NCOA1: variants seen among roughly 807,000 people sequenced by gnomAD.
NCOA1 encodes the protein Hin-2 protein.
NCOA1 carries 35 observed loss-of-function variants against 150.9 expected under a neutral mutation model. The observed-to-expected ratio is 0.23, with a 90% CI of 0.18 to 0.31. NCOA1 has a LOEUF of 0.31. Among genes scored for constraint, NCOA1 ranks in the 10% least tolerant of loss-of-function variants. The probability of loss-of-function intolerance (pLI) is 1.00; values close to 1 mark genes in which losing one functional copy is unlikely to be tolerated. For synonymous variants in NCOA1, 590 were observed against 630.0 expected (o/e 0.94, Z 0.95); for missense variants, 1,491 against 1,749.3 (o/e 0.85, Z 2.63).
intron 1 of NCOA1, among the ~76,000 whole-genome samples, chr2:24,555,503 A>G (rs746197547): frequency 1.3e-5 from 2 of 152,182 alleles, no homozygotes; most frequent in Non-Finnish European, 2.9e-5. Flanking sequence ...GGTCTTCTGT[A>G]TCTTAGTTAT....
chr2:24,535,965 T>C (rs2148179938), intron 1 of NCOA1, among the ~76,000 whole-genome samples: 1 of 152,306 alleles, frequency 6.6e-6, no homozygotes, highest in African/African-American at 2.4e-5. Flanking sequence ...CTTTATGGTG[T>C]TCTGTGTACT....
At chr2:24,563,667 G>A (rs540174312) in intron 1 of NCOA1, among the ~76,000 whole-genome samples, 15 of 152,166 alleles carry the variant, frequency 9.9e-5, no homozygotes, top group African/African-American at 3.4e-4. Flanking sequence ...ACAGGTGGAT[G>A]CCACCAAGCC....
intron 1 of NCOA1, among the ~76,000 whole-genome samples, chr2:24,528,910 A>G (rs1478638491): frequency 6.6e-6 from 1 of 151,958 alleles, no homozygotes; most frequent in Non-Finnish European, 1.5e-5. Context: ...TTTTTGAGAC[A>G]GTCTCTCACA....
chr2:24,750,683 A>C (rs550628562), intron 19 of NCOA1, among the ~76,000 whole-genome samples: 43 of 152,338 alleles, frequency 2.8e-4, no homozygotes, highest in Admixed American at 1.8e-3. Flanking sequence ...GATGGGAGCA[A>C]GGATTGACTA....
intron 17 of NCOA1, among the ~76,000 whole-genome samples, chr2:24,730,883 A>C (rs1361268975): frequency 3.3e-5 from 5 of 150,720 alleles, no homozygotes; most frequent in African/African-American, 9.7e-5. Flanking sequence ...AAAAAAAAAA[A>C]AAAAAAAAAA....
At chr2:24,504,369 T>G (rs2148083905) in intron 1 of NCOA1, among the ~76,000 whole-genome samples, 1 of 152,362 alleles carries the variant, frequency 6.6e-6, no homozygotes, top group South Asian at 2.1e-4. Flanking sequence ...ACATCGATTT[T>G]TCTTATAGAC....
intron 3 of NCOA1, among the ~76,000 whole-genome samples, chr2:24,615,451 A>G (rs1198749128): frequency 1.3e-5 from 2 of 152,220 alleles, no homozygotes; most frequent in Non-Finnish European, 2.9e-5. Flanking sequence ...CACACAGTAG[A>G]TGGTTAGTAT....
chr2:24,582,758 A>G (rs940745096), intron 2 of NCOA1, among the ~76,000 whole-genome samples: 2 of 152,174 alleles, frequency 1.3e-5, no homozygotes, highest in African/African-American at 4.8e-5. Flanking sequence ...AAAAACAGAC[A>G]CATAGACCAA....
intron 21 of NCOA1, among the ~76,000 whole-genome samples, chr2:24,759,267 T>C (rs914069042): frequency 3.9e-5 from 6 of 152,072 alleles, no homozygotes; most frequent in African/African-American, 1.4e-4. Context: ...AGTTGACTAC[T>C]GAGGGCTTAA....
Position 24,690,651 on chromosome 2 carries a change from C to CAAAAAAAAAAAAAAAAAAA in NCOA1, c.533-821_533-803dup, listed in dbSNP as rs70947837. Reference sequence around the variant, plus strand: ...TGGGTGACAAAGTGAGATTCCATCTCAAAAAAAAAAAAAAAAAAAAAAAAA... The same window carrying CAAAAAAAAAAAAAAAAAAA: ...TGGGTGACAAAGTGAGATTCCATCTCAAAAAAAAAAAAAAAAAAAAAAAAAAAAAAAAAAAAAAAAAAAA... On this transcript the variant is annotated intron_variant, in intron 8 of 22. Transcript: ENST00000348332. 6.0e-4 allele frequency among the ~76,000 whole-genome samples: 23 copies of CAAAAAAAAAAAAAAAAAAA among 38,442 alleles called. 3 individuals carry two copies. The highest frequency in any genetic ancestry group is 7.1e-4 in the Non-Finnish European group (17 of 23,998). The allele number at this position is 38,442 out of a possible 152,430, so 25.2% of individuals were successfully genotyped here. A position where few individuals can be genotyped will look rare whatever the true frequency, so the allele number is the denominator to read the frequency against.
rs1188026631 is a variant in NCOA1, at chr2:24,491,572, G to T, written c.-426G>T. ...CACGGTCGCGGACGAGTGCGGCGCC[G>T]GTGAGCGGGGCCCAGAGGCGGCGGC... On this transcript the variant is annotated 5_prime_UTR_variant, in exon 1 of 23. Coordinates refer to ENST00000348332, the MANE Select transcript of NCOA1 (RefSeq NM_003743.5). Among the ~76,000 whole-genome samples, 1 of 148,984 alleles carries T rather than the reference G, an allele frequency of 6.7e-6. No homozygotes were observed. The highest frequency in any genetic ancestry group is 1.5e-5 in the Non-Finnish European group (1 of 67,008).
Position 24,741,975 on chromosome 2 carries a change from G to A in NCOA1, c.3495G>A (p.Gln1165=), listed in dbSNP as rs770652873. The A allele has an allele frequency of 6.2e-7, 1 of 1,614,174 alleles. No homozygotes were observed. The highest frequency in any genetic ancestry group is 8.5e-7 in the Non-Finnish European group (1 of 1,180,020). Residue 1165 remains glutamine (Q), a synonymous_variant, in exon 19 of 23, where the codon CAG becomes CAA. Transcript: ENST00000348332. ...GNPRLPQGAP[Q]QFPYPPNYGT... is the part of the protein sequence containing the mutation. The stretch of plus-strand genomic sequence containing the variant: ...CCCGTCTTCCTCAGGGTGCTCCACA[G>A]CAATTCCCCTATCCACCAAACTATG...
intron 9 of NCOA1, among the ~76,000 whole-genome samples, chr2:24,692,858 C>T (rs191611766): frequency 4.6e-5 from 7 of 152,168 alleles, no homozygotes; most frequent in Admixed American, 2.6e-4. Context: ...TGCTGTAACA[C>T]GTTTTTGTTT....
chr2:24,561,235 C>G (rs1666280664), intron 1 of NCOA1, among the ~76,000 whole-genome samples: 1 of 152,108 alleles, frequency 6.6e-6, no homozygotes, highest in Non-Finnish European at 1.5e-5. Flanking sequence ...CTACAGTAAG[C>G]AAGGGCAAAA....
At chr2:24,582,143 C>T (rs1667217390) in intron 2 of NCOA1, among the ~76,000 whole-genome samples, 1 of 152,126 alleles carries the variant, frequency 6.6e-6, no homozygotes, top group Admixed American at 6.5e-5. Context: ...AAGGCATCTA[C>T]ATTGGAAAAG....
At chr2:24,630,658 G>A (rs918187085) in intron 3 of NCOA1, among the ~76,000 whole-genome samples, 2 of 152,132 alleles carry the variant, frequency 1.3e-5, no homozygotes, top group African/African-American at 4.8e-5. Flanking sequence ...ATGCAGTTAT[G>A]TCTTCTAACA....
intron 1 of NCOA1, among the ~76,000 whole-genome samples, chr2:24,538,672 TGA>T (rs1358525117): frequency 1.3e-5 from 2 of 152,218 alleles, no homozygotes; most frequent in East Asian, 3.8e-4. Context: ...AAAAGTTAAG[TGA>T]CTTTCCAAGA....
intron 3 of NCOA1, among the ~76,000 whole-genome samples, chr2:24,643,481 A>C (rs1413475745): frequency 6.6e-6 from 1 of 152,236 alleles, no homozygotes; most frequent in Admixed American, 6.5e-5. Context: ...GTTCATCATT[A>C]CTAGAACCAG....
chr2:24,751,340 T>TG (rs1400271609), intron 19 of NCOA1, among the ~76,000 whole-genome samples: 1 of 148,680 alleles, frequency 6.7e-6, no homozygotes, highest in Non-Finnish European at 1.5e-5. Flanking sequence ...CCCAGCATTT[T>TG]GGGAGGCCAA....
Sources: gnomAD v4.1 joint callset for allele counts (sites outside exome capture counted in the v4.1 genomes callset) on GRCh38, gnomAD v4.1.1 for gene constraint, MANE v1.5 for transcripts, NCBI Gene and HGNC (gene_info 2026-07-23, HGNC 2026-07-21) for gene names.